Variants in RIN2 observed in about 807,000 individuals in gnomAD.
RIN2 encodes the protein Ras and Rab interactor 2, also known as RAB5 interacting protein 2.
Under a neutral mutation model 78.0 loss-of-function variants are expected in RIN2, and 36 were observed. The observed-to-expected ratio is 0.46, with a 90% CI of 0.35 to 0.61. The LOEUF is 0.61. RIN2 is among the 20% of genes least tolerant of loss of function. The pLI is 0.00. For missense variants in RIN2, 1,087 were observed against 1,159.7 expected (o/e 0.94, Z 0.91); for synonymous variants, 466 against 466.8 (o/e 1.00, Z 0.02).
At chr20:19,936,926 A>G (rs199541) in intron 4 of RIN2, among the ~76,000 whole-genome samples, 21,975 of 152,288 alleles carry the variant, frequency 0.14, 2,699 homozygotes, top group African/African-American at 0.33. Context: ...ATTTAACAAT[A>G]TAGATCATGT....
intron 3 of RIN2, among the ~76,000 whole-genome samples, chr20:19,894,880 C>T (rs2038648176): frequency 6.6e-6 from 1 of 152,186 alleles, no homozygotes; most frequent in African/African-American, 2.4e-5. Context: ...AAGACCCTGG[C>T]TCCTTGCTGG....
At chr20:19,867,076 CAAGTA>C (rs934930836) in intron 2 of RIN2, among the ~76,000 whole-genome samples, 1 of 151,814 alleles carries the variant, frequency 6.6e-6, no homozygotes, top group Non-Finnish European at 1.5e-5. Flanking sequence ...ACAAAGTTTG[CAAGTA>C]TAGTACAGAG....
intron 1 of RIN2, among the ~76,000 whole-genome samples, chr20:19,776,563 C>G (rs2034316936): frequency 6.6e-6 from 1 of 152,032 alleles, no homozygotes; most frequent in Admixed American, 6.6e-5. Flanking sequence ...GAAACCCCAT[C>G]TCTACTAAAA....
chr20:19,838,130 T>G (rs981542849), intron 2 of RIN2, among the ~76,000 whole-genome samples: 1 of 152,218 alleles, frequency 6.6e-6, no homozygotes, highest in Non-Finnish European at 1.5e-5. Flanking sequence ...CATCTTCTTT[T>G]AACATGAAGT....
At chr20:19,811,989 G>A (rs1232420810) in intron 2 of RIN2, among the ~76,000 whole-genome samples, 1 of 151,818 alleles carries the variant, frequency 6.6e-6, no homozygotes, top group Admixed American at 6.6e-5. Context: ...ATGGTCTTTT[G>A]TGCCTGACTA....
intron 7 of RIN2, among the ~76,000 whole-genome samples, chr20:19,968,819 A>T (rs6035494): frequency 0.046 from 7,059 of 152,224 alleles, 497 homozygotes; most frequent in East Asian, 0.35. Flanking sequence ...TTGGTGTTAC[A>T]AGGTTGTGGT....
rs575160681 is a variant in RIN2 at position 19,794,326 on chromosome 20, C to T, written c.-162-5296C>T. ...ATCCCAGCACTTTGGGAGGCCACGGCGGGCAGATCACCTGAGGTCAAGAGT... is the reference window on the plus strand; with the variant it reads ...ATCCCAGCACTTTGGGAGGCCACGGTGGGCAGATCACCTGAGGTCAAGAGT... On this transcript the variant is annotated intron_variant, in intron 1 of 12. Transcript: ENST00000255006. 5.3e-5 allele frequency among the ~76,000 whole-genome samples: 8 copies of T among 152,114 alleles called. No individual in the cohort carries two copies. The East Asian group carries it at 7.7e-4, about 15-fold the overall frequency.
intron 2 of RIN2, among the ~76,000 whole-genome samples, chr20:19,801,044 C>T (rs572762270): frequency 4.6e-5 from 7 of 152,128 alleles, no homozygotes; most frequent in Non-Finnish European, 1.0e-4. Context: ...AGAAAGCAAA[C>T]CCTTGCAGAG....
chr20:19,826,326 C>CT (rs1277201652), intron 2 of RIN2, among the ~76,000 whole-genome samples: 3 of 152,100 alleles, frequency 2.0e-5, no homozygotes, highest in African/African-American at 7.2e-5. Flanking sequence ...CTAAGAAGTG[C>CT]TTTTTCATGA....
chr20:19,936,249 C>T (rs1401973707), intron 4 of RIN2, among the ~76,000 whole-genome samples: 25 of 152,132 alleles, frequency 1.6e-4, no homozygotes, highest in Admixed American at 1.6e-3. Context: ...CCAGATGGTC[C>T]CCCTGCTCCT....
intron 2 of RIN2, among the ~76,000 whole-genome samples, chr20:19,820,095 A>G (rs1316632581): frequency 6.6e-6 from 1 of 152,226 alleles, no homozygotes; most frequent in African/African-American, 2.4e-5. Context: ...CAAACAGACA[A>G]CTCAAAATGT....
At chr20:19,801,989 A>G (rs1437329698) in intron 2 of RIN2, among the ~76,000 whole-genome samples, 1 of 152,214 alleles carries the variant, frequency 6.6e-6, no homozygotes, top group Non-Finnish European at 1.5e-5. Context: ...TGTAAAATAA[A>G]CAATAATAGG....
intron 9 of RIN2, among the ~76,000 whole-genome samples, chr20:19,985,952 C>T (rs2042608083): frequency 6.6e-6 from 1 of 152,106 alleles, no homozygotes; most frequent in South Asian, 2.1e-4. Flanking sequence ...CATAGTAGGC[C>T]TCCCTGGATG....
At chr20:19,992,763 C>T (rs1407010230) in intron 11 of RIN2, among the ~76,000 whole-genome samples, 1 of 152,142 alleles carries the variant, frequency 6.6e-6, no homozygotes, top group African/African-American at 2.4e-5. Context: ...GTTTCTTTGG[C>T]TCCAAGAGGA....
chr20:19,955,590 A>G (rs1409219330), intron 4 of RIN2, among the ~76,000 whole-genome samples: 1 of 151,058 alleles, frequency 6.6e-6, no homozygotes, highest in Non-Finnish European at 1.5e-5. Flanking sequence ...GCCTGCCTCA[A>G]CCTCCCAAAG....
At chr20:19,884,976 C>T (rs530395012) in intron 2 of RIN2, among the ~76,000 whole-genome samples, 2 of 152,082 alleles carry the variant, frequency 1.3e-5, no homozygotes, top group South Asian at 4.1e-4. Flanking sequence ...ATTACAATAA[C>T]GAGGTCTTGT....
At chr20:19,964,699 G>A (rs911003782) in intron 6 of RIN2, among the ~76,000 whole-genome samples, 2 of 152,096 alleles carry the variant, frequency 1.3e-5, no homozygotes, top group African/African-American at 2.4e-5. Context: ...TGTGCAACTC[G>A]AGTCTGTCCT....
At chr20:19,801,267 A>G (rs2122712608) in intron 2 of RIN2, among the ~76,000 whole-genome samples, 1 of 152,032 alleles carries the variant, frequency 6.6e-6, no homozygotes, top group African/African-American at 2.4e-5. Flanking sequence ...TAAAATAATC[A>G]TCAAGTAATT....
chr20:19,991,394 A>AAC (rs2042792794), intron 10 of RIN2, among the ~76,000 whole-genome samples: 1 of 152,202 alleles, frequency 6.6e-6, no homozygotes, highest in African/African-American at 2.4e-5. Flanking sequence ...ACAGTTCCTC[A>AAC]ACACACACAC....
Sources: gnomAD v4.1 joint callset for allele counts (sites outside exome capture counted in the v4.1 genomes callset) on GRCh38, gnomAD v4.1.1 for gene constraint, MANE v1.5 for transcripts, NCBI Gene and HGNC (gene_info 2026-07-23, HGNC 2026-07-21) for gene names.